The following CNTN4 variants were observed in gnomAD, a reference collection of about 807,000 sequenced individuals.
The protein encoded by CNTN4 is contactin 4.
Under a neutral mutation model 122.5 loss-of-function variants are expected in CNTN4, and 77 were observed. That is an observed-to-expected ratio of 0.63 (90% confidence interval 0.52 to 0.76). The LOEUF (loss-of-function observed/expected upper bound fraction) is 0.76, where lower values mean the gene tolerates loss of function less well. Ranked by LOEUF, CNTN4 falls within the 30% of genes least tolerant of loss-of-function variation. The pLI, the probability that CNTN4 is intolerant of heterozygous loss-of-function variation, is 0.00. For synonymous variants in CNTN4, 512 were observed against 447.0 expected, an observed-to-expected ratio of 1.15 and a Z score of -1.83; for missense variants, 1,256 against 1,259.1, an observed-to-expected ratio of 1.00 and a Z score of 0.04.
intron 3 of CNTN4, among the ~76,000 whole-genome samples, chr3:2,528,577 T>A (rs1443308297): frequency 6.6e-6 from 1 of 152,152 alleles, no homozygotes; most frequent in Non-Finnish European, 1.5e-5. Flanking sequence ...ACTGACCCAT[T>A]TTATTAAACG....
chr3:2,405,977 A>G lies in CNTN4; in HGVS notation c.-89+66744A>G, dbSNP rs1052813004. On this transcript the variant is annotated intron_variant, in intron 3 of 24. Coordinates refer to ENST00000418658, the MANE Select transcript of CNTN4 (RefSeq NM_175607.3). The stretch of plus-strand genomic sequence containing the variant: ...GGGAGGTCAAGGTTGTAGTGAGTGG[A>G]GATCACGTCACTGAACTCCAGCCTA... Among the ~76,000 whole-genome samples the G allele has an allele frequency of 8.5e-5, 13 of 152,116 alleles. 1 individual carries two copies. Among genetic ancestry groups the G allele is most frequent in the South Asian group, 4.2e-4 (2 of 4,806 alleles).
At chr3:2,749,364 G>A (rs967515606) in intron 6 of CNTN4, among the ~76,000 whole-genome samples, 1 of 150,308 alleles carries the variant, frequency 6.7e-6, no homozygotes, top group African/African-American at 2.5e-5. Context: ...GTAGAGATGG[G>A]GTTTCACCAT....
chr3:2,987,423 G>A (rs142566956), intron 13 of CNTN4, among the ~76,000 whole-genome samples: 97 of 152,282 alleles, frequency 6.4e-4, no homozygotes, highest in African/African-American at 2.3e-3. Flanking sequence ...GAGGGACAAG[G>A]GTAGAAATAG....
intron 13 of CNTN4, among the ~76,000 whole-genome samples, chr3:2,942,905 G>A (rs1178725556): frequency 2.0e-5 from 3 of 152,134 alleles, no homozygotes; most frequent in African/African-American, 7.2e-5. Flanking sequence ...AAAAACTTCG[G>A]AAAGCTTTCC....
intron 4 of CNTN4, among the ~76,000 whole-genome samples, chr3:2,612,047 T>A (rs956548329): frequency 1.3e-5 from 2 of 151,764 alleles, no homozygotes; most frequent in African/African-American, 4.8e-5. Context: ...AAATAACACA[T>A]GCTTTCAAAG....
intron 3 of CNTN4, among the ~76,000 whole-genome samples, chr3:2,518,497 G>A (rs967404366): frequency 2.0e-4 from 31 of 152,048 alleles, no homozygotes; most frequent in African/African-American, 7.5e-4. Context: ...GTCTGGTTAA[G>A]GCTCTGACAG....
intron 4 of CNTN4, among the ~76,000 whole-genome samples, chr3:2,594,974 C>A (rs1053443066): frequency 8.5e-5 from 13 of 152,162 alleles, no homozygotes; most frequent in African/African-American, 3.1e-4. Flanking sequence ...AAAGAAGTAA[C>A]ATTGGTCACA....
intron 10 of CNTN4, 127 bp from the exon 11 acceptor site, chr3:2,900,558 T>A (rs2151129084): frequency 9.5e-7 from 1 of 1,048,282 alleles, no homozygotes; most frequent in South Asian, 1.3e-5. Flanking sequence ...CCCAGTCTTG[T>A]TATTTGCATA....
intron 3 of CNTN4, among the ~76,000 whole-genome samples, chr3:2,498,290 C>T (rs1184656948): frequency 6.6e-6 from 1 of 152,106 alleles, no homozygotes; most frequent in Admixed American, 6.5e-5. Context: ...AACATGAGCA[C>T]TGCTGCTAGG....
intron 7 of CNTN4, among the ~76,000 whole-genome samples, chr3:2,826,543 TC>T (rs1459971190): frequency 2.6e-5 from 4 of 152,330 alleles, no homozygotes; most frequent in African/African-American, 9.6e-5. Flanking sequence ...TGTGTTCTAG[TC>T]CTAGCTCTCC....
rs377579226 is a variant in CNTN4 at position 2,672,018 on chromosome 3, G to T, written c.56-64197G>T. On this transcript the variant is annotated intron_variant, in intron 4 of 24. Transcript: ENST00000418658. ...CACCGGCCATGTGAGGTGTCAGTCT[G>T]CCCCTACTGGGGGGTGCCTCCCAGT... Among the ~76,000 whole-genome samples, 10 of 152,322 alleles carry T rather than the reference G, an allele frequency of 6.6e-5. No homozygotes were observed. In the East Asian group the frequency reaches 1.4e-3, roughly 21 times the overall value.
intron 7 of CNTN4, among the ~76,000 whole-genome samples, chr3:2,827,683 G>A (rs921035824): frequency 6.6e-6 from 1 of 152,248 alleles, no homozygotes; most frequent in East Asian, 1.9e-4. Context: ...TTACAGTTAA[G>A]GTAAACTCTA....
At chr3:2,976,515 C>G (rs141504728) in intron 13 of CNTN4, among the ~76,000 whole-genome samples, 1 of 148,440 alleles carries the variant, frequency 6.7e-6, no homozygotes, top group Non-Finnish European at 1.5e-5. Context: ...CTATTGCCAC[C>G]ACAGAGACTA....
intron 3 of CNTN4, among the ~76,000 whole-genome samples, chr3:2,537,599 A>ACAC (rs1213702607): frequency 6.6e-6 from 1 of 152,048 alleles, no homozygotes; most frequent in Non-Finnish European, 1.5e-5. Flanking sequence ...GCAGAGTAAG[A>ACAC]CACTTCTAAG....
chr3:3,030,732 G>T, intron 15 of CNTN4, 123 bp from the exon 16 acceptor site: 1 of 1,164,256 alleles, frequency 8.6e-7, no homozygotes, highest in South Asian at 1.3e-5. Flanking sequence ...GCCATGGTTT[G>T]CATCACTAAT....
chr3:2,452,897 C>G (rs2048879836), intron 3 of CNTN4, among the ~76,000 whole-genome samples: 1 of 152,058 alleles, frequency 6.6e-6, no homozygotes, highest in African/African-American at 2.4e-5. Context: ...TCTCCATGAA[C>G]TCTAAAAAAT....
chr3:2,776,798 A>T (rs1010475791), intron 6 of CNTN4, among the ~76,000 whole-genome samples: 1 of 152,190 alleles, frequency 6.6e-6, no homozygotes, highest in Non-Finnish European at 1.5e-5. Context: ...CCCGTAGAGT[A>T]CAAAGTCCTC....
chr3:2,173,565 A>G (rs947973586), intron 2 of CNTN4, among the ~76,000 whole-genome samples: 1 of 152,194 alleles, frequency 6.6e-6, no homozygotes, highest in African/African-American at 2.4e-5. Context: ...AAAGGGATAG[A>G]TTGAATATTC....
chr3:2,394,442 A>G (rs2046561510), intron 3 of CNTN4, among the ~76,000 whole-genome samples: 2 of 152,198 alleles, frequency 1.3e-5, no homozygotes, highest in African/African-American at 4.8e-5. Context: ...ACTGAGCCCT[A>G]TACCACATAC....
Sources: allele counts gnomAD v4.1 joint callset (sites outside exome capture counted in the v4.1 genomes callset), GRCh38; gene constraint gnomAD v4.1.1; transcripts MANE v1.5; gene names NCBI Gene and HGNC (gene_info 2026-07-23, HGNC 2026-07-21).